The following DCAF5 variants were observed in gnomAD, a reference collection of about 807,000 sequenced individuals.
DCAF5 encodes the protein DDB1- and CUL4-associated factor 5.
In DCAF5, 9 loss-of-function variants were observed where a neutral mutation model predicts 80.7. The ratio of observed to expected loss-of-function variants is 0.11; its 90% CI spans 0.07 to 0.19. The LOEUF (loss-of-function observed/expected upper bound fraction) is 0.19, where lower values mean the gene tolerates loss of function less well. Ranked by LOEUF, DCAF5 falls within the 10% of genes least tolerant of loss-of-function variation. The pLI, the probability that DCAF5 is intolerant of heterozygous loss-of-function variation, is 1.00. For missense variants in DCAF5, 842 were observed against 1,205.7 expected, an observed-to-expected ratio of 0.70 and a Z score of 4.47; for synonymous variants, 433 against 461.9, an observed-to-expected ratio of 0.94 and a Z score of 0.80.
chr14:69,087,525 C>T (rs1423080293), intron 6 of DCAF5, among the ~76,000 whole-genome samples: 1 of 152,086 alleles, frequency 6.6e-6, no homozygotes, highest in Non-Finnish European at 1.5e-5. Context: ...CTGTTGATAC[C>T]CAGCCAACCT....
chr14:69,141,637 G>T (rs2041377316), intron 1 of DCAF5, among the ~76,000 whole-genome samples: 2 of 152,270 alleles, frequency 1.3e-5, no homozygotes, highest in African/African-American at 2.4e-5. Context: ...AGTAAATCAG[G>T]ATAAATGATT....
At chr14:69,105,944 T>TATATATATATATATACATATATATATA (rs35270301) in intron 5 of DCAF5, among the ~76,000 whole-genome samples, 1 of 85,174 alleles carries the variant, frequency 1.2e-5, no homozygotes, top group Non-Finnish European at 3.1e-5. Context: ...TATATATATA[T>TATATATATATATATACATATATATATA]ATCTCCTATT....
intron 5 of DCAF5, among the ~76,000 whole-genome samples, chr14:69,098,952 T>TTTTAA (rs1357356091): frequency 6.9e-6 from 1 of 144,450 alleles, no homozygotes; most frequent in Non-Finnish European, 1.5e-5. Context: ...CTTAAAACGT[T>TTTTAA]TTTAAAACAA....
At chr14:69,081,752 ATG>A (rs5809416) in intron 6 of DCAF5, among the ~76,000 whole-genome samples, 1 of 151,160 alleles carries the variant, frequency 6.6e-6, no homozygotes, top group East Asian at 1.9e-4. Flanking sequence ...TTTATAGAAA[ATG>A]TGTGTGTGTG....
intron 7 of DCAF5, among the ~76,000 whole-genome samples, chr14:69,068,898 C>T (rs2038573380): frequency 6.6e-6 from 1 of 152,120 alleles, no homozygotes; most frequent in Non-Finnish European, 1.5e-5. Flanking sequence ...CTGGAGACCA[C>T]ATAACTACTT....
At chr14:69,120,873 G>T (rs1041019027) in intron 2 of DCAF5, among the ~76,000 whole-genome samples, 1 of 152,186 alleles carries the variant, frequency 6.6e-6, no homozygotes, top group African/African-American at 2.4e-5. Context: ...GCAACAAGAG[G>T]GTTTGCCTTG....
At chr14:69,069,044 G>A (rs563816223) in intron 7 of DCAF5, among the ~76,000 whole-genome samples, 7 of 152,202 alleles carry the variant, frequency 4.6e-5, no homozygotes, top group Non-Finnish European at 8.8e-5. Context: ...CCTCACATGT[G>A]TTTATAACCA....
At chr14:69,078,583 GA>G (rs1168837362) in intron 6 of DCAF5, among the ~76,000 whole-genome samples, 8 of 152,198 alleles carry the variant, frequency 5.3e-5, no homozygotes, top group African/African-American at 1.9e-4. Context: ...CCTTAACAAG[GA>G]AGGAAATTCT....
At chr14:69,112,030 G>A (rs2040385772) in intron 5 of DCAF5, among the ~76,000 whole-genome samples, 1 of 152,166 alleles carries the variant, frequency 6.6e-6, no homozygotes, top group Non-Finnish European at 1.5e-5. Flanking sequence ...TGCCATATGA[G>A]AATAAAGGTC....
intron 6 of DCAF5, chr14:69,084,320 C>G (rs2039233955): frequency 1.0e-6 from 1 of 955,898 alleles, no homozygotes; most frequent in Non-Finnish European, 1.7e-6. Flanking sequence ...TCTGCTGGAC[C>G]ATATGCAGAA....
At chr14:69,107,743 T>TTA (rs1239103706) in intron 5 of DCAF5, among the ~76,000 whole-genome samples, 2 of 152,268 alleles carry the variant, frequency 1.3e-5, no homozygotes. Flanking sequence ...ATTCATGTCA[T>TTA]TATACTCAGG....
chr14:69,148,752 CA>C, intron 1 of DCAF5, among the ~76,000 whole-genome samples: 1 of 152,296 alleles, frequency 6.6e-6, no homozygotes, highest in Middle Eastern at 3.4e-3. Flanking sequence ...AAAGCACCTT[CA>C]CATATAACAT....
At chr14:69,120,493 G>T (rs80123288) in intron 2 of DCAF5, among the ~76,000 whole-genome samples, 1 of 151,988 alleles carries the variant, frequency 6.6e-6, no homozygotes, top group Non-Finnish European at 1.5e-5. Flanking sequence ...TCTATCAAAG[G>T]ATATAAATTA....
At chr14:69,149,271 A>G (rs1272215402) in intron 1 of DCAF5, among the ~76,000 whole-genome samples, 4 of 152,226 alleles carry the variant, frequency 2.6e-5, no homozygotes, top group Admixed American at 6.5e-5. Flanking sequence ...TGTTAACCAC[A>G]TATCTGCTAT....
intron 7 of DCAF5, among the ~76,000 whole-genome samples, chr14:69,071,718 G>C (rs757059730): frequency 6.6e-6 from 1 of 152,138 alleles, no homozygotes; most frequent in Admixed American, 6.5e-5. Context: ...AGAGTTTCCT[G>C]ACAAAATTTT....
In DCAF5 at chr14:69,105,962, T is replaced by G. The variant is rs532155900; in HGVS notation, c.665+10404A>C. Among the ~76,000 whole-genome samples the G allele has an allele frequency of 2.9e-5, 4 of 139,390 alleles. No individual in the cohort carries two copies. In the East Asian group the frequency reaches 6.8e-4, roughly 24 times the overall value. 91.4% of individuals were successfully genotyped at this position (139,390 alleles called of 152,430 possible). On this transcript the variant is annotated intron_variant, in intron 5 of 8. Coordinates refer to ENST00000341516, the MANE Select transcript of DCAF5 (RefSeq NM_003861.3). ...ATATATATATCTCCTATTGGTTCTG[T>G]TCCTCTGGAGAACCCTGAATAATTA...
At chr14:69,067,241 G>C (rs1033797994) in intron 7 of DCAF5, among the ~76,000 whole-genome samples, 1 of 151,044 alleles carries the variant, frequency 6.6e-6, no homozygotes, top group African/African-American at 2.4e-5. Flanking sequence ...TTAGATGGTG[G>C]AACACAAGCA....
At chr14:69,142,610 G>T (rs1051912984) in intron 1 of DCAF5, among the ~76,000 whole-genome samples, 1 of 152,186 alleles carries the variant, frequency 6.6e-6, no homozygotes. Flanking sequence ...GATACTGTGT[G>T]TGTGAAAAAG....
At chr14:69,123,261 T>C (rs1595039155) in intron 1 of DCAF5, among the ~76,000 whole-genome samples, 1 of 152,244 alleles carries the variant, frequency 6.6e-6, no homozygotes, top group African/African-American at 2.4e-5. Context: ...TAAAACAAAA[T>C]TTTTAAAAGC....
Sources: allele counts gnomAD v4.1 joint callset (sites outside exome capture counted in the v4.1 genomes callset), GRCh38; gene constraint gnomAD v4.1.1; transcripts MANE v1.5; gene names NCBI Gene and HGNC (gene_info 2026-07-23, HGNC 2026-07-21).